SNX2: variants seen among roughly 807,000 people sequenced by gnomAD.
SNX2 encodes the protein sorting nexin 2.
SNX2 carries 25 observed loss-of-function variants against 69.9 expected under a neutral mutation model. That is an observed-to-expected ratio of 0.36 (90% CI 0.26 to 0.50). The LOEUF (loss-of-function observed/expected upper bound fraction) is 0.50. SNX2 is among the 20% of genes least tolerant of loss of function. The pLI is 0.97. For synonymous variants in SNX2, 229 were observed against 200.4 expected, an observed-to-expected ratio of 1.14 and a Z score of -1.20; for missense variants, 551 against 613.3, an observed-to-expected ratio of 0.90 and a Z score of 1.07.
chr5:122,824,610 T>G (rs1042766073), intron 11 of SNX2, among the ~76,000 whole-genome samples: 5 of 152,232 alleles, frequency 3.3e-5, no homozygotes, highest in African/African-American at 1.2e-4. Flanking sequence ...TTGTCCTGGT[T>G]AATTTAAAAT....
chr5:122,826,866 T>C (rs1754160895), intron 12 of SNX2, among the ~76,000 whole-genome samples: 2 of 152,064 alleles, frequency 1.3e-5, no homozygotes, highest in African/African-American at 4.8e-5. Flanking sequence ...CCACATTTTT[T>C]TCCAATCTGG....
At chr5:122,821,586 C>G (rs550200807) in intron 11 of SNX2, among the ~76,000 whole-genome samples, 10 of 151,838 alleles carry the variant, frequency 6.6e-5, no homozygotes, top group Non-Finnish European at 1.3e-4. Context: ...TTCCGAGTAG[C>G]TGGGACTACA....
Position 122,832,115 on chromosome 5 carries a change from G to A in SNX2, c.*2467G>A, listed in dbSNP as rs1754305013. On this transcript the variant is annotated 3_prime_UTR_variant, in exon 15 of 15. Transcript: ENST00000379516. ...TTTTCATTGGATAGGTCTGAGTTTA[G>A]CGTTTGTTTGTTTTCTTAATGAGAT... Among the ~76,000 whole-genome samples the A allele has an allele frequency of 6.6e-6, 1 of 151,848 alleles. No individual in the cohort carries two copies. Among genetic ancestry groups the A allele is most frequent in the Non-Finnish European group, 1.5e-5 (1 of 68,010 alleles).
intron 6 of SNX2, 79 bp downstream of exon 6, chr5:122,803,692 T>G (rs1417243303): frequency 8.8e-7 from 1 of 1,140,808 alleles, no homozygotes. Context: ...GTGGATTTCT[T>G]AGTCATTCAC....
intron 1 of SNX2, among the ~76,000 whole-genome samples, chr5:122,779,860 G>A (rs887536725): frequency 2.0e-5 from 3 of 152,164 alleles, no homozygotes; most frequent in Non-Finnish European, 4.4e-5. Context: ...AGCCCAGCAT[G>A]CATTAGGTCT....
rs1753696121 is a variant in SNX2 at position 122,808,216 on chromosome 5, A to G, written c.644-61A>G. On this transcript the variant is annotated intron_variant, in intron 6 of 14. Transcript: ENST00000379516. ...GTGTATTTTAAATTATGAAGAAATG[A>G]TTATGAAAGACTTTCACAGCAATAT... The G allele has an allele frequency of 7.6e-6, 8 of 1,050,234 alleles. No individual in the cohort carries two copies. The East Asian group carries it at 1.8e-4, about 23-fold the overall frequency. The allele number at this position is 1,050,234 out of a possible 1,614,324, so 65.1% of individuals were successfully genotyped here.
Position 122,831,859 on chromosome 5 carries a change from T to G in SNX2, c.*2211T>G, listed in dbSNP as rs2150020558. On this transcript the variant is annotated 3_prime_UTR_variant, in exon 15 of 15. Transcript: ENST00000379516. The stretch of plus-strand genomic sequence containing the variant: ...AAATAATAAATATTTTCAGCCTTGA[T>G]TAAACTCTAGACTCCCTTCCAGACT... 6.6e-6 allele frequency among the ~76,000 whole-genome samples: 1 copy of G among 152,350 alleles called. No individual in the cohort carries two copies. Among genetic ancestry groups the G allele is most frequent in the Middle Eastern group, 3.4e-3 (1 of 294 alleles).
intron 1 of SNX2, among the ~76,000 whole-genome samples, chr5:122,776,015 C>T (rs979820015): frequency 3.3e-5 from 5 of 152,138 alleles, no homozygotes; most frequent in Non-Finnish European, 7.3e-5. Context: ...ATAAACTTAA[C>T]TGTATTGGGC....
rs1385534646 is a variant in SNX2 at position 122,830,374 on chromosome 5, A to G, written c.*726A>G. Among the ~76,000 whole-genome samples the G allele has an allele frequency of 6.6e-6, 1 of 152,182 alleles. No homozygotes were observed. The highest frequency in any genetic ancestry group is 1.5e-5 in the Non-Finnish European group (1 of 68,024). ...GCTTGTTTTTAACCATCTCTATTAC[A>G]AGTGCCCAATTTAAGAATTAGGAAA... On this transcript the variant is annotated 3_prime_UTR_variant, in exon 15 of 15. Coordinates refer to ENST00000379516, the MANE Select transcript of SNX2 (RefSeq NM_003100.4).
intron 2 of SNX2, among the ~76,000 whole-genome samples, chr5:122,798,958 G>A (rs796411236): frequency 1.3e-5 from 2 of 151,968 alleles, no homozygotes; most frequent in South Asian, 2.1e-4. Flanking sequence ...ACATGCTTTT[G>A]TCTTGTTTTC....
Position 122,799,684 on chromosome 5 carries a change from A to G in SNX2, c.227-8A>G, listed in dbSNP as rs746547396. 4 of 1,607,462 alleles carry G rather than the reference A, an allele frequency of 2.5e-6. No individual in the cohort carries two copies. Among genetic ancestry groups the G allele is most frequent in the East Asian group, 2.2e-5 (1 of 44,592 alleles). On this transcript the variant is annotated splice_polypyrimidine_tract_variant and splice_region_variant and intron_variant, in intron 2 of 14. Coordinates refer to ENST00000379516, the MANE Select transcript of SNX2 (RefSeq NM_003100.4). ...TGTTCTTAACTAACTTGTTTAATCTATGTCTAGAAGCCACAGAAGAAGTTT... is the reference window on the plus strand; with the variant it reads ...TGTTCTTAACTAACTTGTTTAATCTGTGTCTAGAAGCCACAGAAGAAGTTT...
intron 1 of SNX2, among the ~76,000 whole-genome samples, chr5:122,781,996 C>T (rs1401917596): frequency 6.6e-6 from 1 of 152,054 alleles, no homozygotes; most frequent in Non-Finnish European, 1.5e-5. Context: ...TACGTGTCTT[C>T]GCAACTCTAC....
intron 2 of SNX2, among the ~76,000 whole-genome samples, chr5:122,798,166 T>A (rs1753428451): frequency 6.6e-6 from 1 of 152,068 alleles, no homozygotes; most frequent in Non-Finnish European, 1.5e-5. Context: ...ATACTGCTTT[T>A]TTTTTACTTT....
intron 6 of SNX2, among the ~76,000 whole-genome samples, chr5:122,806,142 G>GAGCACGCGCACACACACACACACACACA (rs1554063163): frequency 7.7e-6 from 1 of 130,584 alleles, no homozygotes; most frequent in Admixed American, 7.6e-5. Flanking sequence ...ACACGCGCGC[G>GAGCACGCGCACACACACACACACACACA]CACACACACA....
At chr5:122,790,659 A>G in intron 1 of SNX2, among the ~76,000 whole-genome samples, 1 of 152,196 alleles carries the variant, frequency 6.6e-6, no homozygotes, top group Middle Eastern at 3.2e-3. Flanking sequence ...GCAGAAAAAA[A>G]ATGGTTTTGG....
chr5:122,829,299 G>T (rs1754228036), intron 14 of SNX2, among the ~76,000 whole-genome samples: 2 of 151,922 alleles, frequency 1.3e-5, no homozygotes, highest in Admixed American at 6.6e-5. Context: ...CTGTCTCCTG[G>T]GTTCAAGCTA....
chr5:122,786,629 C>T (rs559308000), intron 1 of SNX2, among the ~76,000 whole-genome samples: 266 of 151,928 alleles, frequency 1.8e-3, no homozygotes, highest in African/African-American at 5.9e-3. Context: ...GTCATTGCTG[C>T]GCACACCAAT....
Position 122,829,832 on chromosome 5 carries a change from T to A in SNX2, c.*184T>A, listed in dbSNP as rs2150019754. ...CACACTCTGACATTTTATTACAAGC[T>A]GCATGTCCTGACCCTCTTTGAATTA... On this transcript the variant is annotated 3_prime_UTR_variant, in exon 15 of 15. Transcript: ENST00000379516. 1.7e-6 allele frequency: 1 copy of A among 599,794 alleles called. No homozygotes were observed. Among genetic ancestry groups the A allele is most frequent in the African/African-American group, 1.9e-5 (1 of 53,584 alleles). The allele number at this position is 599,794 out of a possible 1,614,324, so 37.2% of individuals were successfully genotyped here.
Position 122,803,513 on chromosome 5 carries a change from A to G in SNX2, c.543A>G (p.Lys181=). 2 of 1,612,616 alleles carry G rather than the reference A, an allele frequency of 1.2e-6. No individual in the cohort carries two copies. The highest frequency in any genetic ancestry group is 2.7e-5 in the African/African-American group (2 of 75,048). The part of the protein sequence containing the change: ...SMFSKSEFSV[K]RRFSDFLGLH... ...TCAGTAAGAGTGAATTTTCAGTGAAAAGAAGATTCAGCGACTTTCTTGGTT... is the reference window on the plus strand; with the variant it reads ...TCAGTAAGAGTGAATTTTCAGTGAAGAGAAGATTCAGCGACTTTCTTGGTT... Residue 181 remains lysine, a synonymous_variant, in exon 6 of 15, where the codon AAA becomes AAG. Transcript: ENST00000379516.
Sources: allele counts gnomAD v4.1 joint callset (sites outside exome capture counted in the v4.1 genomes callset), GRCh38; gene constraint gnomAD v4.1.1; transcripts MANE v1.5; gene names NCBI Gene and HGNC (gene_info 2026-07-23, HGNC 2026-07-21).